STK3: variants seen among roughly 807,000 people sequenced by gnomAD.
STK3 encodes serine/threonine kinase 3, also known as serine/threonine-protein kinase 3.
STK3 carries 41 observed loss-of-function variants against 58.0 expected under a neutral mutation model. The ratio of observed to expected loss-of-function variants is 0.71; its 90% CI spans 0.55 to 0.92. The LOEUF (loss-of-function observed/expected upper bound fraction) is 0.92. STK3 is among the 40% of genes least tolerant of loss of function. The pLI is 0.00. For synonymous variants in STK3, 170 were observed against 191.0 expected (o/e 0.89, Z 0.91); for missense variants, 479 against 602.7 (o/e 0.79, Z 2.15).
intron 1 of STK3, among the ~76,000 whole-genome samples, chr8:98,934,685 G>T (rs1258684454): frequency 2.0e-5 from 3 of 152,182 alleles, no homozygotes; most frequent in Non-Finnish European, 4.4e-5. Context: ...GGAAGCCAAG[G>T]TGGATGGACC....
chr8:98,553,038 G>C (rs1811302754), intron 8 of STK3, among the ~76,000 whole-genome samples: 1 of 152,116 alleles, frequency 6.6e-6, no homozygotes, highest in Admixed American at 6.6e-5. Flanking sequence ...ACAGTAAAAT[G>C]GGAATACCAA....
chr8:98,446,679 C>A (rs990531248), intron 1 of STK3, among the ~76,000 whole-genome samples: 1 of 152,108 alleles, frequency 6.6e-6, no homozygotes, highest in Admixed American at 6.5e-5. Context: ...ATTAGTTCAA[C>A]CATTGTGGAA....
upstream of STK3, among the ~76,000 whole-genome samples, chr8:98,393,148 C>A (rs893177962): frequency 6.6e-6 from 1 of 152,178 alleles, no homozygotes; most frequent in African/African-American, 2.4e-5. Flanking sequence ...AGGTCCCTTG[C>A]CCCCTTCCCA....
chr8:98,694,542 T>A, intron 6 of STK3, among the ~76,000 whole-genome samples: 1 of 152,212 alleles, frequency 6.6e-6, no homozygotes, highest in East Asian at 1.9e-4. Flanking sequence ...GATGTTCCCC[T>A]TCCTTTGTCC....
chr8:98,353,156 G>A, the STK3 span, among the ~76,000 whole-genome samples: 5 of 152,082 alleles, frequency 3.3e-5, no homozygotes, highest in African/African-American at 7.2e-5. Context: ...ATAAAATTAC[G>A]TTCAGATTAT....
At chr8:98,618,816 G>A (rs1043321290) in intron 6 of STK3, among the ~76,000 whole-genome samples, 1 of 149,300 alleles carries the variant, frequency 6.7e-6, no homozygotes, top group African/African-American at 2.5e-5. Context: ...AATAGAAGAG[G>A]ATACAAACAA....
chr8:98,422,081 A>G (rs1818180970), intron 3 of STK3, among the ~76,000 whole-genome samples: 2 of 152,144 alleles, frequency 1.3e-5, no homozygotes, highest in African/African-American at 2.4e-5. Flanking sequence ...GGGAGCACAC[A>G]GGGATGGAAG....
chr8:98,629,539 C>T (rs1049630772), intron 6 of STK3, among the ~76,000 whole-genome samples: 5 of 152,082 alleles, frequency 3.3e-5, no homozygotes, highest in African/African-American at 1.2e-4. Context: ...GTCATACAAC[C>T]AAGATTCCCC....
intron 3 of STK3, among the ~76,000 whole-genome samples, chr8:98,837,066 T>C (rs1011887500): frequency 4.6e-5 from 7 of 152,200 alleles, no homozygotes; most frequent in Non-Finnish European, 7.3e-5. Context: ...TGTTTTTAAA[T>C]AGTTTTGACC....
intron 6 of STK3, among the ~76,000 whole-genome samples, chr8:98,628,470 C>T (rs1338069574): frequency 6.6e-6 from 1 of 152,092 alleles, no homozygotes; most frequent in Non-Finnish European, 1.5e-5. Flanking sequence ...GTGCCCAACA[C>T]AAAGCAGGTG....
At chr8:98,797,854 T>C (rs144288697) in intron 1 of STK3, among the ~76,000 whole-genome samples, 13 of 152,140 alleles carry the variant, frequency 8.5e-5, no homozygotes, top group Non-Finnish European at 1.6e-4. Flanking sequence ...AACAATGATA[T>C]AAGGGAGTTA....
At chr8:98,432,411 T>C (rs1818348701) in intron 3 of STK3, 1 of 167,068 alleles carries the variant, frequency 6.0e-6, no homozygotes, top group Non-Finnish European at 1.5e-5. Context: ...AAGTGCTGGG[T>C]TGGGAAGTGA....
At chr8:98,888,413 C>T (rs975721601) in intron 1 of STK3, among the ~76,000 whole-genome samples, 2 of 152,132 alleles carry the variant, frequency 1.3e-5, no homozygotes, top group East Asian at 1.9e-4. Context: ...TCAGTGCCTC[C>T]GGTGTCTGAG....
chr8:98,693,216 G>A (rs932081407), intron 6 of STK3, among the ~76,000 whole-genome samples: 1 of 152,038 alleles, frequency 6.6e-6, no homozygotes, highest in African/African-American at 2.4e-5. Flanking sequence ...GGGCAACATG[G>A]TGAACCCCAT....
chr8:98,870,412 C>T (rs548911492), intron 3 of STK3, among the ~76,000 whole-genome samples: 7 of 152,300 alleles, frequency 4.6e-5, no homozygotes, highest in East Asian at 3.9e-4. Flanking sequence ...CTTCAGAAAT[C>T]GCCACACTGT....
chr8:98,743,940 CA>C (rs1281755648), intron 4 of STK3, among the ~76,000 whole-genome samples: 1 of 152,176 alleles, frequency 6.6e-6, no homozygotes, highest in Non-Finnish European at 1.5e-5. Context: ...AGACACTTCT[CA>C]AAAGAAGACA....
chr8:98,866,800 G>A (rs558657248), intron 3 of STK3, among the ~76,000 whole-genome samples: 23 of 152,310 alleles, frequency 1.5e-4, no homozygotes, highest in African/African-American at 4.1e-4. Flanking sequence ...TCCTCCTACC[G>A]GTAGCTGGTC....
intron 8 of STK3, among the ~76,000 whole-genome samples, chr8:98,574,611 AT>A (rs1193713304): frequency 1.3e-5 from 2 of 152,226 alleles, no homozygotes; most frequent in African/African-American, 2.4e-5. Context: ...AATGAGATTT[AT>A]AGGAGACCCA....
At chr8:98,465,197 G>C (rs544755684) in intron 10 of STK3, among the ~76,000 whole-genome samples, 102 of 152,292 alleles carry the variant, frequency 6.7e-4, no homozygotes, top group African/African-American at 2.3e-3. Context: ...AACCCCGTTT[G>C]ACAGGTGAGG....
Sources: allele counts gnomAD v4.1 joint callset (sites outside exome capture counted in the v4.1 genomes callset), GRCh38; gene constraint gnomAD v4.1.1; transcripts MANE v1.5; gene names NCBI Gene and HGNC (gene_info 2026-07-23, HGNC 2026-07-21).